The following KIRREL3 variants were observed in gnomAD, a reference collection of about 807,000 sequenced individuals.
KIRREL3 encodes the protein kirre like nephrin family adhesion molecule 3, also known as kin of IRRE-like protein 3.
KIRREL3 carries 36 observed loss-of-function variants against 89.7 expected under a neutral mutation model. That is an observed-to-expected ratio of 0.40 (90% CI 0.31 to 0.53). The LOEUF (loss-of-function observed/expected upper bound fraction) is 0.53, where lower values mean the gene tolerates loss of function less well. Ranked by LOEUF, KIRREL3 falls within the 20% of genes least tolerant of loss-of-function variation. The probability of loss-of-function intolerance (pLI) is 0.49; values close to 1 mark genes in which losing one functional copy is unlikely to be tolerated. For synonymous variants in KIRREL3, 445 were observed against 441.4 expected (o/e 1.01, Z -0.10); for missense variants, 864 against 1,056.6 (o/e 0.82, Z 2.53).
intron 1 of KIRREL3, among the ~76,000 whole-genome samples, chr11:126,959,800 C>T (rs1205159465): frequency 6.6e-6 from 1 of 152,156 alleles, no homozygotes; most frequent in Admixed American, 6.5e-5. Context: ...CTCTCTGAAT[C>T]CCATTAGTCC....
chr11:126,672,316 A>G (rs1186278286), intron 1 of KIRREL3, among the ~76,000 whole-genome samples: 1 of 152,204 alleles, frequency 6.6e-6, no homozygotes, highest in Non-Finnish European at 1.5e-5. Flanking sequence ...GATACATGAA[A>G]CCAGCAGGAC....
At chr11:126,552,562 T>A (rs1311818989) in intron 2 of KIRREL3, among the ~76,000 whole-genome samples, 12 of 80,070 alleles carry the variant, frequency 1.5e-4, no homozygotes, top group African/African-American at 5.0e-4. Context: ...TTTTTTTTTT[T>A]TTTTTTTTTT....
At chr11:126,480,904 G>T (rs75402560) in intron 4 of KIRREL3, among the ~76,000 whole-genome samples, 8,171 of 152,268 alleles carry the variant, frequency 0.054, 239 homozygotes, top group African/African-American at 0.078. Context: ...GTTTCCTCAC[G>T]TATACAGATG....
chr11:126,753,204 C>T (rs1949391296), intron 1 of KIRREL3, among the ~76,000 whole-genome samples: 1 of 152,180 alleles, frequency 6.6e-6, no homozygotes, highest in Non-Finnish European at 1.5e-5. Context: ...TGTTTGTTTG[C>T]CCGCTCCTTA....
chr11:126,622,898 C>G lies in KIRREL3; in HGVS notation c.56-59986G>C, dbSNP rs1481559746. On this transcript the variant is annotated intron_variant, in intron 1 of 16. Transcript: ENST00000525144. This position sits in a 1 kb window ranked among gnomAD's most constrained non-coding sequence, Gnocchi z 5.2. ...TTTTCATCCTTATGAAAAGCAGATACTATCATTAGCTACATTTCATAATGA... is the reference window on the plus strand; with the variant it reads ...TTTTCATCCTTATGAAAAGCAGATAGTATCATTAGCTACATTTCATAATGA... 1.3e-5 allele frequency among the ~76,000 whole-genome samples: 2 copies of G among 152,152 alleles called. No individual in the cohort carries two copies. Among genetic ancestry groups the G allele is most frequent in the Non-Finnish European group, 2.9e-5 (2 of 68,038 alleles).
At chr11:126,552,048 A>G (rs1045521124) in intron 2 of KIRREL3, among the ~76,000 whole-genome samples, 2 of 152,224 alleles carry the variant, frequency 1.3e-5, no homozygotes, top group Non-Finnish European at 2.9e-5. Flanking sequence ...AAGCAAAGAG[A>G]CAATGTCCTC....
At chr11:126,823,315 C>T (rs951729081) in intron 1 of KIRREL3, among the ~76,000 whole-genome samples, 1 of 152,272 alleles carries the variant, frequency 6.6e-6, no homozygotes, top group African/African-American at 2.4e-5. Flanking sequence ...AGTGGGGGTG[C>T]AATTGAAAGT....
At chr11:126,673,195 A>T (rs1193897300) in intron 1 of KIRREL3, among the ~76,000 whole-genome samples, 1 of 152,272 alleles carries the variant, frequency 6.6e-6, no homozygotes, top group Admixed American at 6.5e-5. Flanking sequence ...AATGCAGATG[A>T]TCAGATAAAC....
rs1470742967 is a variant in KIRREL3, at chr11:126,454,129, C to T, written c.848+2220G>A. Among the ~76,000 whole-genome samples, 13 of 152,224 alleles carry T rather than the reference C, an allele frequency of 8.5e-5. No homozygotes were observed. Among genetic ancestry groups the T allele is most frequent in the African/African-American group, 7.2e-5 (3 of 41,572 alleles). On this transcript the variant is annotated intron_variant, in intron 7 of 16. Coordinates refer to ENST00000525144, the MANE Select transcript of KIRREL3 (RefSeq NM_032531.4). The surrounding 1 kb of genome is among the most constrained non-coding windows in gnomAD (Gnocchi z 5.8). ...CACCAGCTGTTAACATTTTCTCACG[C>T]GTGCTTTGCGGAGACCTCTCCTCTC...
At chr11:126,603,552 C>A (rs1321315472) in intron 1 of KIRREL3, among the ~76,000 whole-genome samples, 1 of 152,254 alleles carries the variant, frequency 6.6e-6, no homozygotes, top group East Asian at 1.9e-4. Flanking sequence ...TGGTCCTCAC[C>A]TCCTGACCCT....
chr11:126,484,119 A>C lies in KIRREL3; in HGVS notation c.434-10653T>G, dbSNP rs1434809460. ...CAGTGCCTGGCATAGTGAGCACTTA[A>C]TAAATACTTGTTGCCTGGTGCCTTG... is the stretch of plus-strand genomic sequence containing the variant. On this transcript the variant is annotated intron_variant, in intron 4 of 16. Transcript: ENST00000525144. The surrounding 1 kb of genome is among the most constrained non-coding windows in gnomAD (Gnocchi z 5.2). Among the ~76,000 whole-genome samples the C allele has an allele frequency of 6.6e-6, 1 of 152,170 alleles. No homozygotes were observed. Among genetic ancestry groups the C allele is most frequent in the African/African-American group, 2.4e-5 (1 of 41,438 alleles).
intron 1 of KIRREL3, among the ~76,000 whole-genome samples, chr11:126,942,925 G>A (rs1423871140): frequency 6.6e-6 from 1 of 152,154 alleles, no homozygotes; most frequent in Non-Finnish European, 1.5e-5. Context: ...CTGTTGCAAG[G>A]CTCGGCTCGT....
In KIRREL3 at chr11:126,424,378, CG is replaced by C; in HGVS notation, c.*201del. On this transcript the variant is annotated 3_prime_UTR_variant, in exon 17 of 17. Transcript: ENST00000525144. ...CGCAGCCTCTGTCTGTCTCCCCACC[CG>C]CCCACCTCTGGCACACAGCACCTGG... The C allele has an allele frequency of 2.2e-6, 1 of 459,252 alleles. No homozygotes were observed. The highest frequency in any genetic ancestry group is 4.1e-6 in the Non-Finnish European group (1 of 245,790). 28.4% of individuals were successfully genotyped at this position (459,252 alleles called of 1,614,324 possible). A position where few individuals can be genotyped will look rare whatever the true frequency, so the allele number is the denominator to read the frequency against.
chr11:126,509,265 C>G (rs1958122912), intron 4 of KIRREL3, among the ~76,000 whole-genome samples: 1 of 152,204 alleles, frequency 6.6e-6, no homozygotes, highest in South Asian at 2.1e-4. Flanking sequence ...TCTGCCTGGA[C>G]TGATTCTCAC....
chr11:126,790,195 C>T (rs1296620597), intron 1 of KIRREL3, among the ~76,000 whole-genome samples: 13 of 152,210 alleles, frequency 8.5e-5, no homozygotes. Context: ...GTCCTCTTGC[C>T]TCTCTTTCCG....
At chr11:126,809,461 A>G (rs1592158126) in intron 1 of KIRREL3, among the ~76,000 whole-genome samples, 1 of 152,366 alleles carries the variant, frequency 6.6e-6, no homozygotes, top group East Asian at 1.9e-4. Flanking sequence ...TAGGGTAGAC[A>G]GGTACTTAAG....
At chr11:126,986,669 T>C (rs1185715003) in intron 1 of KIRREL3, among the ~76,000 whole-genome samples, 1 of 152,234 alleles carries the variant, frequency 6.6e-6, no homozygotes, top group African/African-American at 2.4e-5. Context: ...AAGGCAATGA[T>C]GTCAGTGACG....
chr11:126,842,085 G>A (rs894702890), intron 1 of KIRREL3, among the ~76,000 whole-genome samples: 1 of 152,132 alleles, frequency 6.6e-6, no homozygotes, highest in Middle Eastern at 3.2e-3. Context: ...GCACGGCAGA[G>A]GAGAGAAGAG....
chr11:126,678,886 A>G (rs915910900), intron 1 of KIRREL3, among the ~76,000 whole-genome samples: 1 of 152,158 alleles, frequency 6.6e-6, no homozygotes, highest in African/African-American at 2.4e-5. Context: ...CTTGGATGAG[A>G]ATGTTTGAGG....
Sources: allele counts gnomAD v4.1 joint callset (sites outside exome capture counted in the v4.1 genomes callset), GRCh38; gene constraint gnomAD v4.1.1; non-coding constraint Gnocchi (gnomAD v3.1); transcripts MANE v1.5; gene names NCBI Gene and HGNC (gene_info 2026-07-23, HGNC 2026-07-21).